TEAD4: variants seen among roughly 807,000 people sequenced by gnomAD.
TEAD4 encodes the protein transcriptional enhancer factor TEF-3.
TEAD4 carries 36 observed loss-of-function variants against 52.4 expected under a neutral mutation model. The observed-to-expected ratio is 0.69, with a 90% CI of 0.53 to 0.91. The LOEUF is 0.91. TEAD4 is among the 40% of genes least tolerant of loss of function. The pLI is 0.00. For missense variants in TEAD4, 508 were observed against 583.9 expected (o/e 0.87, Z 1.34); for synonymous variants, 220 against 231.0 (o/e 0.95, Z 0.43).
chr12:2,999,463 T>A (rs982911345), intron 3 of TEAD4, among the ~76,000 whole-genome samples: 2 of 152,170 alleles, frequency 1.3e-5, no homozygotes, highest in Admixed American at 6.5e-5. Flanking sequence ...ACATCCAGCA[T>A]AGGACACGCT....
intron 11 of TEAD4, among the ~76,000 whole-genome samples, chr12:3,039,341 C>T (rs1565556013): frequency 6.6e-6 from 1 of 152,206 alleles, no homozygotes; most frequent in Non-Finnish European, 1.5e-5. Context: ...GTGCGCTTTA[C>T]CCAGCTCTTG....
chr12:2,998,050 T>G (rs963291050), intron 3 of TEAD4, among the ~76,000 whole-genome samples: 3 of 152,174 alleles, frequency 2.0e-5, no homozygotes, highest in African/African-American at 7.2e-5. Context: ...TCTGTCTTTA[T>G]GGGTCTGACT....
At chr12:3,007,110 G>A (rs7953711) in intron 3 of TEAD4, among the ~76,000 whole-genome samples, 3 of 152,086 alleles carry the variant, frequency 2.0e-5, no homozygotes, top group Admixed American at 6.5e-5. Flanking sequence ...GCCTCTCGCC[G>A]GGGGCTGAGA....
chr12:3,010,336 A>G (rs2098259262), intron 3 of TEAD4, among the ~76,000 whole-genome samples: 1 of 152,234 alleles, frequency 6.6e-6, no homozygotes. Context: ...AGGATGCTTC[A>G]GGCGTAGCAG....
intron 2 of TEAD4, among the ~76,000 whole-genome samples, chr12:2,990,408 C>CT (rs149715232): frequency 0.17 from 17,687 of 104,886 alleles, 2,079 homozygotes; most frequent in African/African-American, 0.37. Flanking sequence ...GTTACAAATT[C>CT]TTTTTTTTAA....
chr12:2,997,234 C>T (rs1450638775), intron 3 of TEAD4, among the ~76,000 whole-genome samples: 1 of 152,166 alleles, frequency 6.6e-6, no homozygotes. Flanking sequence ...GAAGAGTGAC[C>T]TGGATACATT....
chr12:2,979,205 C>T (rs781109837), intron 2 of TEAD4, among the ~76,000 whole-genome samples: 28 of 152,164 alleles, frequency 1.8e-4, no homozygotes, highest in African/African-American at 5.3e-4. Flanking sequence ...CGTGAGCCAC[C>T]GCGCCCGGTC....
rs1415704715 is a variant in TEAD4 at position 2,994,566 on chromosome 12, A to G, written c.-29-172A>G. Among the ~76,000 whole-genome samples the G allele has an allele frequency of 2.0e-5, 3 of 152,170 alleles. No individual in the cohort carries two copies. Among genetic ancestry groups the G allele is most frequent in the Non-Finnish European group, 4.4e-5 (3 of 68,026 alleles). On this transcript the variant is annotated intron_variant, in intron 2 of 12. Coordinates refer to ENST00000359864, the MANE Select transcript of TEAD4 (RefSeq NM_003213.4). The surrounding 1 kb of genome is among the most constrained non-coding windows in gnomAD (Gnocchi z 4.7). ...CGACAGATGGGAAGATGAGCTCTCC[A>G]GAGGGGATGGGACCTGTTCAAGACC...
rs146316131 is a variant in TEAD4, at chr12:2,970,616, C to T, written c.-30+10576C>T. 3.9e-3 allele frequency among the ~76,000 whole-genome samples: 599 copies of T among 152,260 alleles called. 4 individuals carry two copies. The highest frequency in any genetic ancestry group is 0.014 in the Middle Eastern group (4 of 292). ...GCCCTGTGGAGTTACTGATAGTCCA[C>T]GTTTGTACTGTGGTAGTTCTCCATA... On this transcript the variant is annotated intron_variant, in intron 2 of 12. Coordinates refer to ENST00000359864, the MANE Select transcript of TEAD4 (RefSeq NM_003213.4).
intron 2 of TEAD4, among the ~76,000 whole-genome samples, chr12:2,986,578 T>G (rs2098238704): frequency 6.6e-6 from 1 of 151,054 alleles, no homozygotes. Flanking sequence ...AAGCAGAAGG[T>G]GCAGTGAGCT....
chr12:3,015,613 C>T (rs1044572204), intron 5 of TEAD4, among the ~76,000 whole-genome samples: 3 of 152,338 alleles, frequency 2.0e-5, no homozygotes, highest in East Asian at 1.9e-4. Flanking sequence ...AGGCATCCCT[C>T]GGAAGAGCTG....
Position 2,966,467 on chromosome 12 carries a change from G to A in TEAD4, c.-30+6427G>A, listed in dbSNP as rs182710419. Among the ~76,000 whole-genome samples, 203 of 150,592 alleles carry A rather than the reference G, an allele frequency of 1.3e-3. 3 individuals carry two copies. Among genetic ancestry groups the A allele is most frequent in the Admixed American group, 0.013 (200 of 15,128 alleles). On this transcript the variant is annotated intron_variant, in intron 2 of 12. Coordinates refer to ENST00000359864, the MANE Select transcript of TEAD4 (RefSeq NM_003213.4). ...TGCTCTGTCACCAGGCTGGAGTGCA[G>A]TGGCGTGATCTTGGCTCACTGCAAC...
intron 10 of TEAD4, among the ~76,000 whole-genome samples, chr12:3,034,364 C>T (rs909986545): frequency 2.0e-5 from 3 of 152,246 alleles, no homozygotes; most frequent in South Asian, 2.1e-4. Flanking sequence ...GGTGAACAGC[C>T]GCCTGCAACC....
At chr12:2,992,994 C>T (rs1198165171) in intron 2 of TEAD4, among the ~76,000 whole-genome samples, 1 of 152,136 alleles carries the variant, frequency 6.6e-6, no homozygotes, top group Non-Finnish European at 1.5e-5. Flanking sequence ...TGCCGTTGCT[C>T]CAGTGTGTGA....
chr12:3,026,024 T>G (rs1350945019), intron 10 of TEAD4, among the ~76,000 whole-genome samples: 1 of 152,212 alleles, frequency 6.6e-6, no homozygotes, highest in East Asian at 1.9e-4. Context: ...ATGTGTTGTT[T>G]TACTTCCCCG....
At chr12:3,017,714 C>T (rs540578687) in intron 6 of TEAD4, among the ~76,000 whole-genome samples, 188 bp downstream of exon 6, 60 of 152,286 alleles carry the variant, frequency 3.9e-4, no homozygotes, top group African/African-American at 1.1e-3. Flanking sequence ...GGTATTGGGA[C>T]GGCTTTCTTG....
At chr12:3,003,999 T>C (rs2098253800) in intron 3 of TEAD4, among the ~76,000 whole-genome samples, 1 of 152,236 alleles carries the variant, frequency 6.6e-6, no homozygotes, top group African/African-American at 2.4e-5. Flanking sequence ...TCCCACACTC[T>C]ACCTGTAGGC....
chr12:3,021,062 G>C (rs561986637), intron 9 of TEAD4, among the ~76,000 whole-genome samples: 32 of 151,970 alleles, frequency 2.1e-4, no homozygotes, highest in South Asian at 2.1e-3. Context: ...CCGACCCTTA[G>C]TCCAAGGTTG....
In TEAD4 at chr12:3,022,272, A is replaced by G. The variant is rs528002283; in HGVS notation, c.897+255A>G. ...TGGGGATGGCAGCTAAGCCGGGCTA[A>G]CAGTGGAGCCCTCAGGAGGTGAGGA... On this transcript the variant is annotated intron_variant, in intron 10 of 12. Coordinates refer to ENST00000359864, the MANE Select transcript of TEAD4 (RefSeq NM_003213.4). Among the ~76,000 whole-genome samples, 6 of 152,342 alleles carry G rather than the reference A, an allele frequency of 3.9e-5. No homozygotes were observed. In the South Asian group the frequency reaches 1.2e-3, roughly 32 times the overall value.
Sources: gnomAD v4.1 joint callset for allele counts (sites outside exome capture counted in the v4.1 genomes callset) on GRCh38, gnomAD v4.1.1 for gene constraint, Gnocchi (gnomAD v3.1) non-coding constraint, MANE v1.5 for transcripts, NCBI Gene and HGNC (gene_info 2026-07-23, HGNC 2026-07-21) for gene names.